PPM1E: variants seen among roughly 807,000 people sequenced by gnomAD.
PPM1E encodes protein phosphatase 1E.
Under a neutral mutation model 65.9 loss-of-function variants are expected in PPM1E, and 20 were observed. The ratio of observed to expected loss-of-function variants is 0.30; its 90% CI spans 0.21 to 0.44. The LOEUF (loss-of-function observed/expected upper bound fraction) is 0.44, where lower values mean the gene tolerates loss of function less well. Among genes scored for constraint, PPM1E ranks in the 20% least tolerant of loss-of-function variants. PPM1E has a pLI of 1.00. For missense variants in PPM1E, 713 were observed against 953.1 expected (o/e 0.75, Z 3.32); for synonymous variants, 352 against 374.9 (o/e 0.94, Z 0.70).
chr17:58,778,567 G>A (rs1039976589), intron 1 of PPM1E, among the ~76,000 whole-genome samples: 1 of 151,222 alleles, frequency 6.6e-6, no homozygotes, highest in South Asian at 2.1e-4. Flanking sequence ...GTGCCACCAT[G>A]CCTCACTAAT....
At chr17:58,896,880 AG>A (rs1165393912) in intron 1 of PPM1E, among the ~76,000 whole-genome samples, 1 of 152,198 alleles carries the variant, frequency 6.6e-6, no homozygotes, top group East Asian at 1.9e-4. Flanking sequence ...AAAGCTTCAA[AG>A]GACAGGCTGA....
At chr17:58,901,344 T>G (rs1362991306) in intron 1 of PPM1E, among the ~76,000 whole-genome samples, 1 of 152,220 alleles carries the variant, frequency 6.6e-6, no homozygotes, top group Non-Finnish European at 1.5e-5. Flanking sequence ...ATATTGCATT[T>G]TTTGATCACA....
At chr17:58,856,894 T>C (rs1466674227) in intron 1 of PPM1E, among the ~76,000 whole-genome samples, 2 of 152,244 alleles carry the variant, frequency 1.3e-5, no homozygotes, top group Non-Finnish European at 2.9e-5. Context: ...ACAGTCATGA[T>C]AGTAATTTTC....
intron 1 of PPM1E, among the ~76,000 whole-genome samples, chr17:58,839,688 T>C (rs1472327961): frequency 6.6e-6 from 1 of 152,008 alleles, no homozygotes; most frequent in Non-Finnish European, 1.5e-5. Flanking sequence ...TACACTAACA[T>C]TGACCAAGAA....
intron 1 of PPM1E, among the ~76,000 whole-genome samples, chr17:58,762,623 C>G (rs1206505426): frequency 6.6e-6 from 1 of 152,090 alleles, no homozygotes; most frequent in African/African-American, 2.4e-5. Flanking sequence ...TTGGGCCGGG[C>G]GCGGTGGCTC....
chr17:58,912,984 A>G (rs1408291896), intron 1 of PPM1E, among the ~76,000 whole-genome samples: 1 of 152,190 alleles, frequency 6.6e-6, no homozygotes. Context: ...GACCATTCCA[A>G]ATATCACCCT....
chr17:58,966,680 T>C lies in PPM1E; in HGVS notation c.783+787T>C, dbSNP rs908158140. The C allele has an allele frequency of 1.9e-5, 3 of 154,052 alleles. No individual in the cohort carries two copies. In the Admixed American group the frequency reaches 2.0e-4, roughly 10 times the overall value. 9.5% of individuals were successfully genotyped at this position (154,052 alleles called of 1,614,324 possible). A position where few individuals can be genotyped will look rare whatever the true frequency, so the allele number is the denominator to read the frequency against. On this transcript the variant is annotated intron_variant, in intron 3 of 6. Transcript: ENST00000308249. ...GGCAGCTTAATAACTATTTTCTTGT[T>C]ATCTTTCTTTTCTTTTTCTATTAAA...
In PPM1E at chr17:58,782,905, A is replaced by G. The variant is rs370436621; in HGVS notation, c.464+26444A>G. Among the ~76,000 whole-genome samples the G allele has an allele frequency of 2.6e-5, 4 of 152,272 alleles. No homozygotes were observed. The South Asian group carries it at 6.2e-4, about 24-fold the overall frequency. ...TGCTTTTTTAATACTAACAGCTCCT[A>G]TTTTGTTTCCATATTTTCCATCAAG... On this transcript the variant is annotated intron_variant, in intron 1 of 6. Transcript: ENST00000308249.
At chr17:58,759,843 T>C (rs2049805723) in intron 1 of PPM1E, among the ~76,000 whole-genome samples, 1 of 152,242 alleles carries the variant, frequency 6.6e-6, no homozygotes. Flanking sequence ...ATTGTGTGAA[T>C]CATTAATGAC....
intron 1 of PPM1E, among the ~76,000 whole-genome samples, chr17:58,875,658 A>G (rs2051119618): frequency 6.6e-6 from 1 of 152,172 alleles, no homozygotes; most frequent in Non-Finnish European, 1.5e-5. Flanking sequence ...ATAAAATCCT[A>G]TGCATCTTGT....
At chr17:58,883,247 C>T (rs1001715172) in intron 1 of PPM1E, among the ~76,000 whole-genome samples, 1 of 151,856 alleles carries the variant, frequency 6.6e-6, no homozygotes, top group South Asian at 2.1e-4. Flanking sequence ...TGTGAGCCAC[C>T]GCGCCCGGCC....
intron 1 of PPM1E, among the ~76,000 whole-genome samples, chr17:58,838,289 AG>A (rs2050683239): frequency 6.6e-6 from 1 of 152,242 alleles, no homozygotes; most frequent in Admixed American, 6.5e-5. Flanking sequence ...TATCTGATAA[AG>A]GACTTGTACC....
intron 1 of PPM1E, among the ~76,000 whole-genome samples, chr17:58,933,169 G>A (rs555319835): frequency 1.3e-5 from 2 of 152,290 alleles, no homozygotes; most frequent in African/African-American, 2.4e-5. Flanking sequence ...TTCTCAGAAC[G>A]TATCCCCATT....
intron 1 of PPM1E, among the ~76,000 whole-genome samples, chr17:58,778,473 G>C (rs1192675131): frequency 1.4e-5 from 2 of 140,152 alleles, no homozygotes; most frequent in Non-Finnish European, 3.0e-5. Flanking sequence ...GCAGTGTCAT[G>C]ATCTTGGCTC....
At chr17:58,908,101 A>G (rs2051580643) in intron 1 of PPM1E, among the ~76,000 whole-genome samples, 3 of 148,190 alleles carry the variant, frequency 2.0e-5, no homozygotes, top group Non-Finnish European at 4.5e-5. Context: ...ATTTTTTTTG[A>G]GACAGAGTCT....
chr17:58,856,655 G>T (rs1216932340), intron 1 of PPM1E, among the ~76,000 whole-genome samples: 3 of 152,118 alleles, frequency 2.0e-5, no homozygotes, highest in African/African-American at 7.2e-5. Flanking sequence ...AATCCATTAG[G>T]ATTGGTCTCA....
chr17:58,802,748 T>C (rs1025991463), intron 1 of PPM1E, among the ~76,000 whole-genome samples: 1 of 152,182 alleles, frequency 6.6e-6, no homozygotes, highest in African/African-American at 2.4e-5. Flanking sequence ...ATATTTCACC[T>C]CTTTGGTTAA....
At chr17:58,946,299 T>A (rs1365291461) in intron 1 of PPM1E, among the ~76,000 whole-genome samples, 2 of 152,200 alleles carry the variant, frequency 1.3e-5, no homozygotes, top group Non-Finnish European at 2.9e-5. Context: ...GGACAAATAT[T>A]TATTTCCAAT....
chr17:58,768,483 C>G (rs1020765430), intron 1 of PPM1E, among the ~76,000 whole-genome samples: 2 of 152,144 alleles, frequency 1.3e-5, no homozygotes, highest in Admixed American at 1.3e-4. Flanking sequence ...CTAGAATAAA[C>G]CTTCCTTTGG....
Sources: gnomAD v4.1 joint callset for allele counts (sites outside exome capture counted in the v4.1 genomes callset) on GRCh38, gnomAD v4.1.1 for gene constraint, MANE v1.5 for transcripts, NCBI Gene and HGNC (gene_info 2026-07-23, HGNC 2026-07-21) for gene names.